The following NXPE4 variants were observed in gnomAD, a reference collection of about 807,000 sequenced individuals.
NXPE4 encodes neurexophilin and PC-esterase domain family member 4.
A neutral mutation model predicts 33.3 loss-of-function variants in NXPE4; 42 were observed. That is an observed-to-expected ratio of 1.26 (90% CI 0.98 to 1.63). NXPE4 has a LOEUF of 1.63. Among genes scored for constraint, NXPE4 ranks in the 40% most tolerant of loss-of-function variants. The pLI is 0.00. For missense variants in NXPE4, 709 were observed against 647.6 expected, an observed-to-expected ratio of 1.09 and a Z score of -1.03; for synonymous variants, 253 against 234.9, an observed-to-expected ratio of 1.08 and a Z score of -0.71.
chr11:114,608,495 G>A, the NXPE4 span, among the ~76,000 whole-genome samples: 1 of 149,466 alleles, frequency 6.7e-6, no homozygotes, highest in Non-Finnish European at 1.5e-5. Context: ...AATGTTACCT[G>A]GTAGATGATA....
chr11:114,637,962 G>A, the NXPE4 span, among the ~76,000 whole-genome samples: 1 of 151,800 alleles, frequency 6.6e-6, no homozygotes, highest in East Asian at 1.9e-4. Context: ...TCTTCTCGAG[G>A]AGTATCTTTG....
At chr11:114,645,241 C>T in the NXPE4 span, among the ~76,000 whole-genome samples, 8 of 152,068 alleles carry the variant, frequency 5.3e-5, no homozygotes, top group African/African-American at 1.7e-4. Context: ...GCAGAAGCTG[C>T]AGTGAGCTGA....
In NXPE4 at chr11:114,588,135, G is replaced by A. The variant is rs1949351455; in HGVS notation, c.97-5114C>T. ...CCAAAACTAGAGAAGCAACCTCCAG[G>A]GAACTATCTGAGGCAGCTATTGAGT... is the stretch of plus-strand genomic sequence containing the variant. On this transcript the variant is annotated intron_variant, in intron 2 of 5. Coordinates refer to ENST00000375478, the MANE Select transcript of NXPE4 (RefSeq NM_001077639.2). 3.9e-5 allele frequency among the ~76,000 whole-genome samples: 6 copies of A among 152,224 alleles called. No individual in the cohort carries two copies. In the South Asian group the frequency reaches 1.2e-3, roughly 32 times the overall value.
At chr11:114,645,128 C>T in the NXPE4 span, among the ~76,000 whole-genome samples, 1 of 151,852 alleles carries the variant, frequency 6.6e-6, no homozygotes, top group South Asian at 2.1e-4. Flanking sequence ...ATGGTGAAAC[C>T]CCATCTTTAC....
At chr11:114,583,529 A>C in intron 2 of NXPE4, 1 of 610,132 alleles carries the variant, frequency 1.6e-6, no homozygotes, top group Non-Finnish European at 3.2e-6. Context: ...GCGGATGCAG[A>C]GATTCAACGT....
chr11:114,571,325 G>C lies in NXPE4; in HGVS notation c.1248C>G (p.Leu416=). The C allele has an allele frequency of 1.9e-6, 3 of 1,614,026 alleles. No individual in the cohort carries two copies. The highest frequency in any genetic ancestry group is 1.7e-6 in the Non-Finnish European group (2 of 1,179,930). ...CTCCAGTTCTGTCAATGGCCCGGGT[G>C]AGGTACTCCATCTCTTTGACTGAAT... The part of the protein sequence containing the change: ...MTYSVKEMEY[L]TRAIDRTGGE... Residue 416 remains leucine (L), a synonymous_variant, in exon 6 of 6, where the codon CTC becomes CTG. Transcript: ENST00000375478.
the NXPE4 span, among the ~76,000 whole-genome samples, chr11:114,615,277 T>C: frequency 2.7e-5 from 4 of 150,856 alleles, no homozygotes; most frequent in Non-Finnish European, 4.4e-5. Flanking sequence ...CTTGTGGGTA[T>C]CCACTGTTAC....
At chr11:114,640,425 C>T in the NXPE4 span, among the ~76,000 whole-genome samples, 4 of 151,362 alleles carry the variant, frequency 2.6e-5, no homozygotes, top group South Asian at 2.1e-4. Context: ...TATATATTCA[C>T]GTGCAGATGT....
chr11:114,620,560 C>T, the NXPE4 span, among the ~76,000 whole-genome samples: 1 of 152,054 alleles, frequency 6.6e-6, no homozygotes, highest in African/African-American at 2.4e-5. Flanking sequence ...AGGGTAACCA[C>T]TGTTACGCGG....
chr11:114,617,589 C>A, the NXPE4 span, among the ~76,000 whole-genome samples: 5 of 152,114 alleles, frequency 3.3e-5, no homozygotes, highest in Non-Finnish European at 7.4e-5. Flanking sequence ...ACCGGTGTTA[C>A]CCGGTGCATA....
chr11:114,665,403 G>T, the NXPE4 span, among the ~76,000 whole-genome samples: 1 of 152,078 alleles, frequency 6.6e-6, no homozygotes, highest in African/African-American at 2.4e-5. Flanking sequence ...TGTGAACATA[G>T]CACAACCTGA....
chr11:114,580,832 A>C (rs932646673), intron 4 of NXPE4, among the ~76,000 whole-genome samples: 6 of 152,170 alleles, frequency 3.9e-5, no homozygotes, highest in African/African-American at 1.4e-4. Context: ...GAATATAGCT[A>C]TAGGCTGGAG....
At chr11:114,636,162 A>G in the NXPE4 span, among the ~76,000 whole-genome samples, 1 of 151,872 alleles carries the variant, frequency 6.6e-6, no homozygotes, top group African/African-American at 2.4e-5. Flanking sequence ...GTCTATTCAG[A>G]GATTCAACTT....
chr11:114,613,474 A>G, the NXPE4 span, among the ~76,000 whole-genome samples: 1 of 150,862 alleles, frequency 6.6e-6, no homozygotes, highest in Non-Finnish European at 1.5e-5. Context: ...CATAATAAGT[A>G]TTGCCTCGTG....
At chr11:114,621,044 A>G in the NXPE4 span, among the ~76,000 whole-genome samples, 2 of 152,156 alleles carry the variant, frequency 1.3e-5, no homozygotes, top group Non-Finnish European at 2.9e-5. Context: ...GTGCACAATA[A>G]GTGTTGCCTC....
the NXPE4 span, among the ~76,000 whole-genome samples, chr11:114,649,175 T>C: frequency 6.6e-6 from 1 of 152,078 alleles, no homozygotes; most frequent in Non-Finnish European, 1.5e-5. Context: ...CCTTTACTTT[T>C]GAAGGGTCTG....
the NXPE4 span, among the ~76,000 whole-genome samples, chr11:114,637,869 C>A: frequency 1.3e-5 from 2 of 151,912 alleles, no homozygotes; most frequent in Non-Finnish European, 2.9e-5. Flanking sequence ...GAGGGTAACC[C>A]GACCTTTCTC....
At chr11:114,616,850 A>G in the NXPE4 span, among the ~76,000 whole-genome samples, 2 of 150,264 alleles carry the variant, frequency 1.3e-5, no homozygotes, top group African/African-American at 4.9e-5. Context: ...TAGATAATAA[A>G]TATTGCCTCA....
At chr11:114,638,875 C>CT in the NXPE4 span, among the ~76,000 whole-genome samples, 6 of 151,466 alleles carry the variant, frequency 4.0e-5, no homozygotes, top group African/African-American at 1.5e-4. Flanking sequence ...TCTGCCCCTA[C>CT]TGGGGGGTGC....
Sources: gnomAD v4.1 joint callset for allele counts (sites outside exome capture counted in the v4.1 genomes callset) on GRCh38, gnomAD v4.1.1 for gene constraint, MANE v1.5 for transcripts, NCBI Gene and HGNC (gene_info 2026-07-23, HGNC 2026-07-21) for gene names.